The following RBFOX1 variants were observed in gnomAD, a reference collection of about 807,000 sequenced individuals.
The protein encoded by RBFOX1 is RNA binding fox-1 homolog 1, also known as RNA binding protein fox-1 homolog 1.
In RBFOX1, 8 loss-of-function variants were observed where a neutral mutation model predicts 57.7. The observed-to-expected ratio is 0.14, with a 90% CI of 0.08 to 0.25. The LOEUF is 0.25. Ranked by LOEUF, RBFOX1 falls within the 10% of genes least tolerant of loss-of-function variation. The pLI is 1.00. For missense variants in RBFOX1, 611 were observed against 548.5 expected, an observed-to-expected ratio of 1.11 and a Z score of -1.14; for synonymous variants, 326 against 222.4, an observed-to-expected ratio of 1.47 and a Z score of -4.15.
At chr16:5,809,864 A>G (rs999782323) in intron 3 of RBFOX1, among the ~76,000 whole-genome samples, 8 of 152,150 alleles carry the variant, frequency 5.3e-5, no homozygotes, top group Non-Finnish European at 1.0e-4. Flanking sequence ...TGCTATAAAG[A>G]CACATGCACA....
chr16:7,281,171 T>C (rs2095536451), intron 4 of RBFOX1, among the ~76,000 whole-genome samples: 1 of 151,726 alleles, frequency 6.6e-6, no homozygotes. Context: ...CCTGGCTAAT[T>C]TTTATATTTT....
chr16:5,574,455 G>A (rs149694632), intron 2 of RBFOX1, among the ~76,000 whole-genome samples: 2 of 148,766 alleles, frequency 1.3e-5, no homozygotes, highest in African/African-American at 2.5e-5. Flanking sequence ...TGTCTCTGTC[G>A]CCGAGGCTAG....
At chr16:7,670,046 T>C (rs371807501) in intron 13 of RBFOX1, among the ~76,000 whole-genome samples, 4 of 152,190 alleles carry the variant, frequency 2.6e-5, no homozygotes, top group African/African-American at 9.7e-5. Flanking sequence ...AGAAACTTTT[T>C]TGGGAGACAT....
intron 2 of RBFOX1, among the ~76,000 whole-genome samples, chr16:5,486,040 C>G (rs1422438142): frequency 6.6e-6 from 1 of 152,170 alleles, no homozygotes; most frequent in Non-Finnish European, 1.5e-5. Context: ...TCCCTGCTTC[C>G]CAATAATTTA....
Position 6,227,400 on chromosome 16 carries a change from C to T in RBFOX1, c.-126-89595C>T, listed in dbSNP as rs537914545. Among the ~76,000 whole-genome samples, 22 of 152,278 alleles carry T rather than the reference C, an allele frequency of 1.4e-4. No individual in the cohort carries two copies. The South Asian group carries it at 1.9e-3, about 13-fold the overall frequency. The stretch of plus-strand genomic sequence containing the variant: ...TCTCTTGTGACCATTCTCCAATGTT[C>T]TGTGTTTGTTAGGTGTGACAATGGG... On this transcript the variant is annotated intron_variant, in intron 1 of 15. Transcript: ENST00000550418.
At chr16:6,869,467 T>A (rs539809923) in intron 3 of RBFOX1, among the ~76,000 whole-genome samples, 5 of 65,232 alleles carry the variant, frequency 7.7e-5, no homozygotes, top group African/African-American at 5.0e-4. Flanking sequence ...TTACTGTCTT[T>A]TGAGGTTTTT....
At chr16:6,843,496 G>C (rs937386472) in intron 3 of RBFOX1, among the ~76,000 whole-genome samples, 6 of 152,054 alleles carry the variant, frequency 3.9e-5, no homozygotes, top group Non-Finnish European at 8.8e-5. Flanking sequence ...AGACCATCCT[G>C]GCTAACACTG....
intron 1 of RBFOX1, among the ~76,000 whole-genome samples, chr16:5,241,976 A>G (rs530020406): frequency 4.6e-5 from 7 of 152,020 alleles, no homozygotes; most frequent in African/African-American, 1.4e-4. Flanking sequence ...AAAGCCAGGT[A>G]TGGTGGTGTG....
At chr16:7,045,663 TC>T (rs58172234) in intron 3 of RBFOX1, among the ~76,000 whole-genome samples, 5,982 of 131,146 alleles carry the variant, frequency 0.046, 395 homozygotes, top group African/African-American at 0.17. Context: ...TTTTTTTTTT[TC>T]AATAGAGCGA....
At chr16:5,643,833 C>T (rs117718196) in intron 3 of RBFOX1, among the ~76,000 whole-genome samples, 3,227 of 152,294 alleles carry the variant, frequency 0.021, 63 homozygotes, top group Non-Finnish European at 0.033. Flanking sequence ...GTGCCAGGCA[C>T]ATTCACGTGG....
intron 4 of RBFOX1, among the ~76,000 whole-genome samples, chr16:5,927,907 G>A (rs1173366988): frequency 6.6e-6 from 1 of 152,038 alleles, no homozygotes; most frequent in African/African-American, 2.4e-5. Context: ...TCAAAATCCT[G>A]GAAACAGAGA....
At chr16:6,945,918 A>C (rs1598034661) in intron 3 of RBFOX1, among the ~76,000 whole-genome samples, 2 of 152,274 alleles carry the variant, frequency 1.3e-5, no homozygotes, top group Admixed American at 1.3e-4. Flanking sequence ...TGCTGGTGCT[A>C]ACCCTAAGCC....
intron 2 of RBFOX1, among the ~76,000 whole-genome samples, chr16:5,560,006 A>C (rs1449574572): frequency 6.6e-6 from 1 of 152,144 alleles, no homozygotes; most frequent in East Asian, 1.9e-4. Context: ...CAGCATGAAA[A>C]ACGAGTGAAT....
At chr16:7,302,304 G>C (rs2096054419) in intron 4 of RBFOX1, among the ~76,000 whole-genome samples, 1 of 152,174 alleles carries the variant, frequency 6.6e-6, no homozygotes, top group Non-Finnish European at 1.5e-5. Flanking sequence ...AAAAAATAGA[G>C]CCGTGGGATA....
intron 4 of RBFOX1, among the ~76,000 whole-genome samples, chr16:5,920,754 A>C (rs928837166): frequency 3.3e-5 from 5 of 152,172 alleles, no homozygotes; most frequent in African/African-American, 1.2e-4. Flanking sequence ...TCTGAACTGG[A>C]ATTAAAACGT....
chr16:6,431,896 G>GCTTGCTTGCTTGCTTTCTTTCTTT (rs1491277692), intron 2 of RBFOX1, among the ~76,000 whole-genome samples: 37 of 128,196 alleles, frequency 2.9e-4, no homozygotes, highest in African/African-American at 3.7e-4. Flanking sequence ...TTGCTTGCTT[G>GCTTGCTTGCTTGCTTTCTTTCTTT]CTTTCTTTCT....
intron 1 of RBFOX1, among the ~76,000 whole-genome samples, chr16:6,235,463 A>G (rs533398939): frequency 6.6e-6 from 1 of 152,252 alleles, no homozygotes; most frequent in South Asian, 2.1e-4. Flanking sequence ...GCCTGTCTAT[A>G]GCAGCACAAT....
chr16:5,834,990 A>T (rs990946390), intron 3 of RBFOX1, among the ~76,000 whole-genome samples: 1 of 152,168 alleles, frequency 6.6e-6, no homozygotes, highest in African/African-American at 2.4e-5. Context: ...TCCCTTTGAG[A>T]TATCACCTTA....
intron 4 of RBFOX1, among the ~76,000 whole-genome samples, chr16:7,082,187 T>G (rs999136952): frequency 6.6e-6 from 1 of 152,154 alleles, no homozygotes; most frequent in African/African-American, 2.4e-5. Flanking sequence ...TTTTAGCTAC[T>G]GCAACATTGA....
Sources: gnomAD v4.1 joint callset for allele counts (sites outside exome capture counted in the v4.1 genomes callset) on GRCh38, gnomAD v4.1.1 for gene constraint, MANE v1.5 for transcripts, NCBI Gene and HGNC (gene_info 2026-07-23, HGNC 2026-07-21) for gene names.